The following ECM2 variants were observed in gnomAD, a reference collection of about 807,000 sequenced individuals.
The protein encoded by ECM2 is extracellular matrix protein 2.
A neutral mutation model predicts 67.5 loss-of-function variants in ECM2; 57 were observed. That is an observed-to-expected ratio of 0.84 (90% CI 0.68 to 1.05). The LOEUF (loss-of-function observed/expected upper bound fraction) is 1.05. Among genes scored for constraint, ECM2 ranks in the 50% least tolerant of loss-of-function variants. The probability of loss-of-function intolerance (pLI) is 0.00; values close to 1 mark genes in which losing one functional copy is unlikely to be tolerated. For missense variants in ECM2, 741 were observed against 822.8 expected (o/e 0.90, Z 1.22); for synonymous variants, 258 against 294.5 (o/e 0.88, Z 1.27).
At chr9:92,551,944 TATATATATG>T in the ECM2 span, among the ~76,000 whole-genome samples, 55 of 130,012 alleles carry the variant, frequency 4.2e-4, 1 homozygote, top group African/African-American at 1.7e-3. Flanking sequence ...TATATATATA[TATATATATG>T]ATATATATAT....
At chr9:92,542,717 A>C in the ECM2 span, among the ~76,000 whole-genome samples, 1 of 152,188 alleles carries the variant, frequency 6.6e-6, no homozygotes, top group African/African-American at 2.4e-5. Context: ...AGGTTTCAGC[A>C]TGCTGGCCAG....
chr9:92,543,495 A>AG, the ECM2 span, among the ~76,000 whole-genome samples: 1 of 151,200 alleles, frequency 6.6e-6, no homozygotes, highest in Non-Finnish European at 1.5e-5. Context: ...AAAAAAAAAA[A>AG]AAAAAGATTG....
chr9:92,533,309 A>AC (rs1848930774), intron 1 of ECM2, among the ~76,000 whole-genome samples: 28 of 75,720 alleles, frequency 3.7e-4, no homozygotes, highest in Middle Eastern at 6.2e-3. Flanking sequence ...CAAACAAAAA[A>AC]AAAAAAAAAA....
chr9:92,525,832 C>T (rs980024917), intron 1 of ECM2, among the ~76,000 whole-genome samples: 9 of 142,274 alleles, frequency 6.3e-5, no homozygotes, highest in Non-Finnish European at 1.3e-4. Context: ...GGAGGTTGCA[C>T]TGAGTAGCTA....
At chr9:92,550,779 TAAC>T in the ECM2 span, among the ~76,000 whole-genome samples, 1 of 152,166 alleles carries the variant, frequency 6.6e-6, no homozygotes, top group East Asian at 1.9e-4. Flanking sequence ...GTGTCCTTCA[TAAC>T]AACCTGGAAA....
Position 92,522,809 on chromosome 9 carries a change from CAA to C in ECM2, c.56_57del (p.Phe19TrpfsTer4). On this transcript the variant is annotated frameshift_variant, in exon 2 of 10. Transcript: ENST00000344604. LOFTEE classifies it high-confidence loss of function. The stretch of plus-strand genomic sequence containing the variant: ...TTCCTAGGAATTTCTTCATTTTTTC[CAA>C]AGTCAGTTTGAAAAATGATAAGCAG... ...FFLLIIFQTDFGKNEEIPRKQ... is the reference protein window; with the variant it reads ...FFLLIIFQTDXGKNEEIPRKQ... 1 of 1,612,082 alleles carries C rather than the reference CAA, an allele frequency of 6.2e-7. No homozygotes were observed.
At chr9:92,553,844 G>A in the ECM2 span, among the ~76,000 whole-genome samples, 30 of 152,156 alleles carry the variant, frequency 2.0e-4, no homozygotes, top group Non-Finnish European at 2.8e-4. Flanking sequence ...CAAGGTAAAC[G>A]ATCATATTGT....
chr9:92,514,634 T>C lies in ECM2; in HGVS notation c.1051A>G (p.Thr351Ala). The C allele has an allele frequency of 6.4e-7, 1 of 1,567,594 alleles. No individual in the cohort carries two copies. The highest frequency in any genetic ancestry group is 1.4e-5 in the African/African-American group (1 of 73,470). Residue 351 changes from threonine (T) to alanine (A), a missense_variant, in exon 4 of 10, where the codon ACT (threonine) becomes GCT (alanine). By Grantham distance (58) the Thr-to-Ala change is moderately conservative (BLOSUM62 0). Coordinates refer to ENST00000344604, the MANE Select transcript of ECM2 (RefSeq NM_001393.4). ...TAPQITSLEL[T>A]GNSIASIPDE... is the part of the protein sequence containing the mutation. ...AGCAGAAGTCAACATCTCTTACCAG[T>C]GAGCTCCAGACTTGTTATCTGTGGT... is the stretch of plus-strand genomic sequence containing the variant.
intron 6 of ECM2, 46 bp from the exon 7 acceptor site, chr9:92,505,736 A>G (rs375363050): frequency 7.5e-6 from 11 of 1,467,956 alleles, no homozygotes; most frequent in Non-Finnish European, 1.0e-5. Context: ...TTGAAAAACC[A>G]TGCAAATTTT....
chr9:92,508,971 T>C (rs1847174079), intron 6 of ECM2, among the ~76,000 whole-genome samples: 1 of 151,914 alleles, frequency 6.6e-6, no homozygotes, highest in Non-Finnish European at 1.5e-5. Flanking sequence ...GCAGTCCTTG[T>C]CTCAAAAAAG....
upstream of ECM2, chr9:92,539,332 C>T (rs1010570782): frequency 4.6e-5 from 7 of 151,024 alleles, no homozygotes; most frequent in East Asian, 1.9e-4. Flanking sequence ...AGGTTTCTCC[C>T]GCCTTCCCCC....
At chr9:92,525,036 G>A (rs1280897582) in intron 1 of ECM2, among the ~76,000 whole-genome samples, 1 of 152,224 alleles carries the variant, frequency 6.6e-6, no homozygotes, top group Non-Finnish European at 1.5e-5. Flanking sequence ...GAGAGGCCAG[G>A]CACTGTGGCT....
chr9:92,556,118 A>T, the ECM2 span, among the ~76,000 whole-genome samples: 1 of 152,120 alleles, frequency 6.6e-6, no homozygotes, highest in Non-Finnish European at 1.5e-5. Context: ...ATAATTTTTT[A>T]ATTTCCATCT....
chr9:92,512,614 T>C (rs1399058421), intron 4 of ECM2, among the ~76,000 whole-genome samples: 1 of 152,230 alleles, frequency 6.6e-6, no homozygotes, highest in Non-Finnish European at 1.5e-5. Flanking sequence ...GGGGAGATCA[T>C]CTCCCAGACT....
chr9:92,497,110 C>G (rs1279167359), intron 9 of ECM2, among the ~76,000 whole-genome samples: 1 of 152,058 alleles, frequency 6.6e-6, no homozygotes, highest in Non-Finnish European at 1.5e-5. Context: ...CATTCCCACT[C>G]CTAGGATTTT....
intron 7 of ECM2, 148 bp from the exon 8 acceptor site, chr9:92,502,800 TTGTC>T: frequency 3.1e-6 from 2 of 642,738 alleles, no homozygotes; most frequent in Non-Finnish European, 4.6e-6. Context: ...TATTTTTAAG[TTGTC>T]TTTTTTTTTT....
chr9:92,544,384 G>A, the ECM2 span, among the ~76,000 whole-genome samples: 1 of 152,304 alleles, frequency 6.6e-6, no homozygotes. Flanking sequence ...GCTGAGGCAC[G>A]AGAATCGCTT....
chr9:92,522,784 T>C lies in ECM2; in HGVS notation c.83A>G (p.Lys28Arg), dbSNP rs527488889. 4 of 1,613,948 alleles carry C rather than the reference T, an allele frequency of 2.5e-6. No homozygotes were observed. Among genetic ancestry groups the C allele is most frequent in the Non-Finnish European group, 3.4e-6 (4 of 1,179,996 alleles). ...TCTGTGGTAGATCTTCCTCCTTTGC[T>C]TCCTAGGAATTTCTTCATTTTTTCC... Reference protein sequence around the residue: ...DFGKNEEIPRKQRRKIYHRRL... With the variant: ...DFGKNEEIPRRQRRKIYHRRL... The change falls in exon 2 of 10, where the codon AAG becomes AGG. Residue 28 changes from lysine to arginine, a missense_variant. Transcript: ENST00000344604.
chr9:92,536,142 G>A (rs1321467079), upstream of ECM2: 5 of 392,602 alleles, frequency 1.3e-5, no homozygotes, highest in East Asian at 8.8e-5. Context: ...AGCCAAGAAA[G>A]TAACCAGGGA....
Sources: gnomAD v4.1 joint callset for allele counts (sites outside exome capture counted in the v4.1 genomes callset) on GRCh38, gnomAD v4.1.1 for gene constraint, MANE v1.5 for transcripts, NCBI Gene and HGNC (gene_info 2026-07-23, HGNC 2026-07-21) for gene names.